The following GABRB3 variants were observed in gnomAD, a reference collection of about 807,000 sequenced individuals.
GABRB3 encodes gamma-aminobutyric acid receptor subunit beta-3.
Under a neutral mutation model 52.1 loss-of-function variants are expected in GABRB3, and 14 were observed. The ratio of observed to expected loss-of-function variants is 0.27; its 90% CI spans 0.18 to 0.42. GABRB3 has a LOEUF of 0.42. Ranked by LOEUF, GABRB3 falls within the 10% of genes least tolerant of loss-of-function variation. The pLI is 1.00. For synonymous variants in GABRB3, 260 were observed against 232.3 expected, an observed-to-expected ratio of 1.12 and a Z score of -1.08; for missense variants, 307 against 609.1, an observed-to-expected ratio of 0.50 and a Z score of 5.22.
chr15:26,702,397 A>G (rs1279340184), intron 3 of GABRB3, among the ~76,000 whole-genome samples: 2 of 152,222 alleles, frequency 1.3e-5, no homozygotes, highest in Non-Finnish European at 2.9e-5. Flanking sequence ...ACAACTCCAT[A>G]AGATAATGGG....
In GABRB3 at chr15:26,621,301, G is replaced by A. The variant is rs776295943; in HGVS notation, c.461+13C>T. ...ATGCAACAGCAAAATTGGTCCTGAAGAGGCACACAGACCTGAGCCCATACA... is the reference window on the plus strand; with the variant it reads ...ATGCAACAGCAAAATTGGTCCTGAAAAGGCACACAGACCTGAGCCCATACA... On this transcript the variant is annotated intron_variant, in intron 4 of 8. Coordinates refer to ENST00000311550, the MANE Select transcript of GABRB3 (RefSeq NM_000814.6). The surrounding 1 kb of genome is among the most constrained non-coding windows in gnomAD (Gnocchi z 4.1). 13 of 1,610,532 alleles carry A rather than the reference G, an allele frequency of 8.1e-6. No homozygotes were observed. In the South Asian group the frequency reaches 1.4e-4, roughly 18 times the overall value.
chr15:26,746,585 T>G lies in GABRB3; in HGVS notation c.240+25817A>C, dbSNP rs539366537. Among the ~76,000 whole-genome samples the G allele has an allele frequency of 3.1e-3, 466 of 151,038 alleles. 1 individual carries two copies. The highest frequency in any genetic ancestry group is 0.01 in the African/African-American group (417 of 41,332). ...TTTACATTTAAGTCCGTTTTTTGTT[T>G]TTTTTTTTTTTTGGAGTTTGTGTAA... is the stretch of plus-strand genomic sequence containing the variant. On this transcript the variant is annotated intron_variant, in intron 3 of 8. Coordinates refer to ENST00000311550, the MANE Select transcript of GABRB3 (RefSeq NM_000814.6).
chr15:26,565,168 TTGATGA>T (rs75317901), intron 7 of GABRB3, among the ~76,000 whole-genome samples: 5 of 150,978 alleles, frequency 3.3e-5, no homozygotes, highest in East Asian at 1.9e-4. Context: ...GTCTGTTGTA[TTGATGA>T]TGATGATGAT....
At chr15:26,604,643 G>C (rs1284736183) in intron 4 of GABRB3, among the ~76,000 whole-genome samples, 3 of 152,230 alleles carry the variant, frequency 2.0e-5, no homozygotes, top group East Asian at 3.9e-4. Flanking sequence ...TTTTGACAAA[G>C]CTGCCATGAT....
intron 3 of GABRB3, among the ~76,000 whole-genome samples, chr15:26,723,197 A>G (rs958922550): frequency 1.1e-4 from 16 of 152,238 alleles, no homozygotes; most frequent in African/African-American, 3.9e-4. Flanking sequence ...GACATCTGTC[A>G]AACTAATTTT....
At chr15:26,622,042 G>C (rs905323387) in intron 3 of GABRB3, among the ~76,000 whole-genome samples, 3 of 152,128 alleles carry the variant, frequency 2.0e-5, no homozygotes, top group African/African-American at 7.2e-5. Context: ...GGAGACACAA[G>C]GGACTGTGGG....
intron 3 of GABRB3, among the ~76,000 whole-genome samples, chr15:26,697,669 A>G (rs189611412): frequency 2.3e-3 from 353 of 152,194 alleles, no homozygotes; most frequent in African/African-American, 8.1e-3. Flanking sequence ...AAAAAGTCCA[A>G]TGTGTCCCCT....
intron 4 of GABRB3, among the ~76,000 whole-genome samples, chr15:26,596,592 A>G (rs1243066853): frequency 6.6e-6 from 1 of 152,192 alleles, no homozygotes; most frequent in East Asian, 1.9e-4. Flanking sequence ...TAAATACTTA[A>G]AGGAATATCA....
chr15:26,684,662 G>A (rs73370136), intron 3 of GABRB3, among the ~76,000 whole-genome samples: 1,855 of 152,134 alleles, frequency 0.012, 31 homozygotes, highest in African/African-American at 0.042. Flanking sequence ...GCCTATTTCC[G>A]ATAGTGCTAG....
chr15:26,765,457 CTG>C (rs1301723714), intron 3 of GABRB3, among the ~76,000 whole-genome samples: 2 of 152,160 alleles, frequency 1.3e-5, no homozygotes, highest in African/African-American at 4.8e-5. Context: ...AAAGTAAACA[CTG>C]TATACATCAC....
At chr15:26,583,269 A>C in intron 5 of GABRB3, 63 bp downstream of exon 5, 1 of 1,380,710 alleles carries the variant, frequency 7.2e-7, no homozygotes, top group Non-Finnish European at 1.0e-6. Context: ...AAGATGCTAA[A>C]TAATGACAAA....
chr15:26,674,022 T>C (rs1454327799), intron 3 of GABRB3, among the ~76,000 whole-genome samples: 5 of 152,128 alleles, frequency 3.3e-5, no homozygotes, highest in Admixed American at 6.5e-5. Flanking sequence ...AGTGTGTACA[T>C]TAATGTATTA....
chr15:26,691,700 ATTAATTTC>A (rs1202868382), intron 3 of GABRB3, among the ~76,000 whole-genome samples: 2 of 152,222 alleles, frequency 1.3e-5, no homozygotes, highest in Admixed American at 1.3e-4. Context: ...TCTATACTTA[ATTAATTTC>A]CTACCTACTG....
At position 26,583,322 on chromosome 15, in the gene GABRB3, G is replaced by T; in HGVS notation, c.544+10C>A. ...TAGGAGGAGAAAGAAACACAGATAC[G>T]GATACACACAGCTTTCAATTTCCAG... On this transcript the variant is annotated intron_variant, in intron 5 of 8. Coordinates refer to ENST00000311550, the MANE Select transcript of GABRB3 (RefSeq NM_000814.6). 6.2e-7 allele frequency: 1 copy of T among 1,603,798 alleles called. No individual in the cohort carries two copies. The highest frequency in any genetic ancestry group is 8.5e-7 in the Non-Finnish European group (1 of 1,170,702).
At chr15:26,614,627 A>G (rs1397124481) in intron 4 of GABRB3, 1 of 152,206 alleles carries the variant, frequency 6.6e-6, no homozygotes, top group Non-Finnish European at 1.5e-5. Flanking sequence ...CATAAAAATC[A>G]CACGAGACCT....
intron 3 of GABRB3, among the ~76,000 whole-genome samples, chr15:26,651,534 C>T (rs894760127): frequency 1.3e-5 from 2 of 152,164 alleles, no homozygotes; most frequent in African/African-American, 4.8e-5. Context: ...AGGAAAAATC[C>T]GTGGTTAGAC....
chr15:26,586,504 A>G (rs925446725), intron 4 of GABRB3, among the ~76,000 whole-genome samples: 1 of 151,306 alleles, frequency 6.6e-6, no homozygotes, highest in Non-Finnish European at 1.5e-5. Flanking sequence ...GAGAAGGGGA[A>G]CCTGAGGCTA....
intron 4 of GABRB3, among the ~76,000 whole-genome samples, chr15:26,605,655 T>C (rs1175195004): frequency 2.6e-5 from 4 of 152,184 alleles, no homozygotes; most frequent in South Asian, 2.1e-4. Context: ...ATCATGTTAA[T>C]TGAAATAAGC....
chr15:26,609,312 G>A (rs188103719), intron 4 of GABRB3, among the ~76,000 whole-genome samples: 2 of 152,090 alleles, frequency 1.3e-5, no homozygotes, highest in Middle Eastern at 3.4e-3. Flanking sequence ...ACAGAACAGT[G>A]GTTACAGAGA....
Sources: allele counts gnomAD v4.1 joint callset (sites outside exome capture counted in the v4.1 genomes callset), GRCh38; gene constraint gnomAD v4.1.1; non-coding constraint Gnocchi (gnomAD v3.1); transcripts MANE v1.5; gene names NCBI Gene and HGNC (gene_info 2026-07-23, HGNC 2026-07-21).